PKNOX2: variants seen among roughly 807,000 people sequenced by gnomAD.
The protein encoded by PKNOX2 is homeobox protein PKNOX2.
PKNOX2 carries 14 observed loss-of-function variants against 53.1 expected under a neutral mutation model. That is an observed-to-expected ratio of 0.26 (90% CI 0.17 to 0.41). PKNOX2 has a LOEUF of 0.41. Among genes scored for constraint, PKNOX2 ranks in the 10% least tolerant of loss-of-function variants. The pLI, the probability that PKNOX2 is intolerant of heterozygous loss-of-function variation, is 1.00. For missense variants in PKNOX2, 496 were observed against 602.8 expected (o/e 0.82, Z 1.85); for synonymous variants, 257 against 242.8 (o/e 1.06, Z -0.54).
At chr11:125,314,190 T>C (rs892745177) in intron 2 of PKNOX2, among the ~76,000 whole-genome samples, 27 of 151,914 alleles carry the variant, frequency 1.8e-4, no homozygotes, top group African/African-American at 6.3e-4. Context: ...GTTGGAGAAT[T>C]TGGGGTTGGT....
At chr11:125,429,111 C>G in intron 11 of PKNOX2, 23 bp downstream of exon 11, 7 of 1,585,742 alleles carry the variant, frequency 4.4e-6, no homozygotes, top group Non-Finnish European at 6.1e-6. Flanking sequence ...CACCTGCATG[C>G]AGGCTCCCAG....
intron 10 of PKNOX2, among the ~76,000 whole-genome samples, chr11:125,416,245 G>T (rs1050244453): frequency 6.3e-5 from 9 of 141,984 alleles, no homozygotes; most frequent in Non-Finnish European, 1.2e-4. Context: ...GGAGCTTGCA[G>T]TGAGCCGAGA....
chr11:125,406,679 T>G (rs1462433563), intron 7 of PKNOX2, among the ~76,000 whole-genome samples: 1 of 152,044 alleles, frequency 6.6e-6, no homozygotes, highest in African/African-American at 2.4e-5. Context: ...GGAGGCACAG[T>G]TATTTGACTC....
chr11:125,313,766 A>T (rs980880591), intron 2 of PKNOX2, among the ~76,000 whole-genome samples: 2 of 152,232 alleles, frequency 1.3e-5, no homozygotes, highest in Admixed American at 6.5e-5. Flanking sequence ...AATGAAATGA[A>T]ATTAAACATT....
At chr11:125,415,251 T>C (rs1444019467) in intron 10 of PKNOX2, among the ~76,000 whole-genome samples, 4 of 149,676 alleles carry the variant, frequency 2.7e-5, no homozygotes, top group Non-Finnish European at 5.9e-5. Flanking sequence ...TTTTTTTTTT[T>C]TTTTTGGTGG....
chr11:125,408,776 C>T (rs148618816), intron 7 of PKNOX2, among the ~76,000 whole-genome samples: 3 of 152,282 alleles, frequency 2.0e-5, no homozygotes, highest in East Asian at 3.9e-4. Context: ...ACTTTCCCTT[C>T]GTTGCTACAG....
chr11:125,269,416 T>C (rs1371241958), intron 2 of PKNOX2, among the ~76,000 whole-genome samples: 1 of 152,232 alleles, frequency 6.6e-6, no homozygotes, highest in Non-Finnish European at 1.5e-5. Flanking sequence ...TACAAACACA[T>C]CCTATGCAAA....
chr11:125,287,395 C>T (rs1246774266), intron 2 of PKNOX2, among the ~76,000 whole-genome samples: 1 of 152,224 alleles, frequency 6.6e-6, no homozygotes, highest in African/African-American at 2.4e-5. Flanking sequence ...CAGCAAAGAC[C>T]AAGCCCCTTC....
At chr11:125,297,494 G>GAAAGTGCTTCATTCTGGA (rs1485913408) in intron 2 of PKNOX2, among the ~76,000 whole-genome samples, 12 of 152,226 alleles carry the variant, frequency 7.9e-5, no homozygotes, top group African/African-American at 2.9e-4. Flanking sequence ...GCATGAGTAG[G>GAAAGTGCTTCATTCTGGA]AAAGTGCTTC....
chr11:125,390,834 T>C (rs891043143), intron 6 of PKNOX2, among the ~76,000 whole-genome samples: 2 of 152,258 alleles, frequency 1.3e-5, no homozygotes, highest in Non-Finnish European at 2.9e-5. Context: ...ATTTGACTTG[T>C]CTTGCGTGAT....
intron 2 of PKNOX2, among the ~76,000 whole-genome samples, chr11:125,297,844 TGCCCATCTTTGA>T (rs1947761572): frequency 6.6e-6 from 1 of 152,202 alleles, no homozygotes; most frequent in African/African-American, 2.4e-5. Context: ...ATGAGCCTGG[TGCCCATCTTTGA>T]GCCCCATATC....
chr11:125,315,678 A>G (rs911372689), intron 2 of PKNOX2, among the ~76,000 whole-genome samples: 1 of 152,192 alleles, frequency 6.6e-6, no homozygotes, highest in Non-Finnish European at 1.5e-5. Context: ...GACCCGCTCC[A>G]TGCTTCAGAT....
rs539380566 is a variant in PKNOX2, at chr11:125,228,146, T to C, written c.-200-6899T>C. Among the ~76,000 whole-genome samples the C allele has an allele frequency of 2.0e-5, 3 of 152,320 alleles. No homozygotes were observed. In the South Asian group the frequency reaches 6.2e-4, roughly 32 times the overall value. On this transcript the variant is annotated intron_variant, in intron 1 of 12. Coordinates refer to ENST00000298282, the MANE Select transcript of PKNOX2 (RefSeq NM_001382323.2). Reference sequence around the variant, plus strand: ...GCCTTAACATTCTAGAGCAACTCAGTCCTGCACAACCTTCCACGATGACAG... The same window carrying C: ...GCCTTAACATTCTAGAGCAACTCAGCCCTGCACAACCTTCCACGATGACAG...
At chr11:125,411,606 G>A (rs763379148) in intron 9 of PKNOX2, 140 bp from the exon 10 acceptor site, 1 of 1,329,544 alleles carries the variant, frequency 7.5e-7, no homozygotes, top group Non-Finnish European at 1.1e-6. Context: ...GGGCTGAGAG[G>A]GAAAGGTGAC....
At chr11:125,321,921 G>A (rs1046411034) in intron 2 of PKNOX2, among the ~76,000 whole-genome samples, 2 of 152,172 alleles carry the variant, frequency 1.3e-5, no homozygotes, top group East Asian at 1.9e-4. Flanking sequence ...CTCACACAGG[G>A]GGTGGGCAAA....
At chr11:125,201,853 A>G (rs1938477259) in intron 1 of PKNOX2, among the ~76,000 whole-genome samples, 1 of 152,098 alleles carries the variant, frequency 6.6e-6, no homozygotes, top group Admixed American at 6.5e-5. Flanking sequence ...CCAAGAGCCC[A>G]GTGAGTTTAG....
In PKNOX2 at chr11:125,352,453, A is replaced by G. The variant is rs1402884422; in HGVS notation, c.87+1061A>G. 6.6e-6 allele frequency among the ~76,000 whole-genome samples: 1 copy of G among 152,068 alleles called. No individual in the cohort carries two copies. The highest frequency in any genetic ancestry group is 1.5e-5 in the Non-Finnish European group (1 of 68,004). On this transcript the variant is annotated intron_variant, in intron 4 of 12. Transcript: ENST00000298282. This position sits in a 1 kb window ranked among gnomAD's most constrained non-coding sequence, Gnocchi z 4.1. ...CCTCTGCCATCCCTCACTCATTGGC[A>G]TTTTCAAACACAGTGGTTCTCATGG...
intron 2 of PKNOX2, among the ~76,000 whole-genome samples, chr11:125,329,935 C>T (rs1035724944): frequency 1.1e-4 from 16 of 152,150 alleles, no homozygotes; most frequent in African/African-American, 2.9e-4. Context: ...TTCTGGAGGA[C>T]GTGGTGCCAC....
intron 5 of PKNOX2, among the ~76,000 whole-genome samples, chr11:125,379,446 G>A (rs1256927520): frequency 1.3e-5 from 2 of 152,174 alleles, no homozygotes; most frequent in East Asian, 1.9e-4. Flanking sequence ...TTATATATGA[G>A]CATAAGAGTT....
Sources: gnomAD v4.1 joint callset for allele counts (sites outside exome capture counted in the v4.1 genomes callset) on GRCh38, gnomAD v4.1.1 for gene constraint, Gnocchi (gnomAD v3.1) non-coding constraint, MANE v1.5 for transcripts, NCBI Gene and HGNC (gene_info 2026-07-23, HGNC 2026-07-21) for gene names.